The following KIAA1217 variants were observed in gnomAD, a reference collection of about 807,000 sequenced individuals.
The protein encoded by KIAA1217 is KIAA1217.
KIAA1217 carries 88 observed loss-of-function variants against 163.9 expected under a neutral mutation model. The ratio of observed to expected loss-of-function variants is 0.54; its 90% confidence interval spans 0.45 to 0.64. KIAA1217 has a LOEUF of 0.64. Among genes scored for constraint, KIAA1217 ranks in the 30% least tolerant of loss-of-function variants. The pLI is 0.00. For missense variants in KIAA1217, 2,372 were observed against 2,475.0 expected (o/e 0.96, Z 0.88); for synonymous variants, 903 against 923.1 (o/e 0.98, Z 0.39).
intron 11 of KIAA1217, among the ~76,000 whole-genome samples, chr10:24,521,082 A>G (rs1375629370): frequency 7.1e-6 from 1 of 140,352 alleles, no homozygotes; most frequent in African/African-American, 2.7e-5. Context: ...GTAGTGGCTC[A>G]TGCCACTTTG....
rs528884516 is a variant in KIAA1217, at chr10:23,751,319, T to C, written c.-321+56085T>C. Among the ~76,000 whole-genome samples, 3 of 152,244 alleles carry C rather than the reference T, an allele frequency of 2.0e-5. No homozygotes were observed. The South Asian group carries it at 6.2e-4, about 32-fold the overall frequency. ...CTGGGATTACAGGTGTGAGCCACCG[T>C]GCCTGGCGAGAATTTTCTACAATAC... On this transcript the variant is annotated intron_variant, in intron 1 of 18. Transcript: ENST00000376462.
At chr10:24,163,646 G>A (rs138466157) in intron 2 of KIAA1217, among the ~76,000 whole-genome samples, 2 of 152,312 alleles carry the variant, frequency 1.3e-5, no homozygotes, top group African/African-American at 4.8e-5. Context: ...GCTTTAAAGT[G>A]TAGTACACAT....
intron 2 of KIAA1217, among the ~76,000 whole-genome samples, chr10:24,195,686 C>T (rs7100869): frequency 6.6e-6 from 1 of 152,090 alleles, no homozygotes; most frequent in Non-Finnish European, 1.5e-5. Context: ...GTTTTTAATC[C>T]GCCAGGAAAG....
At chr10:24,316,347 T>C (rs2043368699) in intron 2 of KIAA1217, among the ~76,000 whole-genome samples, 1 of 151,934 alleles carries the variant, frequency 6.6e-6, no homozygotes, top group African/African-American at 2.4e-5. Flanking sequence ...ATGGAAGGAG[T>C]TCCTAGGATG....
intron 1 of KIAA1217, among the ~76,000 whole-genome samples, chr10:23,972,332 A>G (rs533903831): frequency 2.2e-4 from 34 of 152,348 alleles, no homozygotes; most frequent in Middle Eastern, 3.4e-3. Context: ...TTGCAGCACT[A>G]TTTACAATAG....
chr10:23,998,163 A>G (rs1005610168), intron 1 of KIAA1217, among the ~76,000 whole-genome samples: 1 of 152,158 alleles, frequency 6.6e-6, no homozygotes, highest in Non-Finnish European at 1.5e-5. Context: ...AAGAAAAAAA[A>G]AGACTTAACC....
intron 1 of KIAA1217, among the ~76,000 whole-genome samples, chr10:23,867,852 T>C (rs2131152728): frequency 6.6e-6 from 1 of 152,350 alleles, no homozygotes; most frequent in Middle Eastern, 3.4e-3. Context: ...AGCTCTTTCA[T>C]TTAATTAGAT....
At chr10:24,043,933 A>G (rs1848802839) in intron 2 of KIAA1217, among the ~76,000 whole-genome samples, 1 of 152,130 alleles carries the variant, frequency 6.6e-6, no homozygotes, top group Non-Finnish European at 1.5e-5. Flanking sequence ...TTTAAAACCA[A>G]GAGTGAGTAT....
At chr10:24,390,208 C>G (rs974285739) in intron 3 of KIAA1217, among the ~76,000 whole-genome samples, 1 of 152,018 alleles carries the variant, frequency 6.6e-6, no homozygotes, top group African/African-American at 2.4e-5. Flanking sequence ...GCTGCCTGTT[C>G]TGTGTGTTTC....
intron 2 of KIAA1217, among the ~76,000 whole-genome samples, chr10:24,227,164 T>TATC (rs1554920595): frequency 0.013 from 1,954 of 151,050 alleles, 32 homozygotes; most frequent in African/African-American, 0.044. Context: ...TTATTATTAT[T>TATC]ATCATTATTT....
At chr10:24,177,770 A>T (rs1054506521) in intron 2 of KIAA1217, among the ~76,000 whole-genome samples, 9 of 152,108 alleles carry the variant, frequency 5.9e-5, no homozygotes, top group Admixed American at 5.2e-4. Context: ...ATTTCCAGTG[A>T]ATAGTGCTGA....
intron 1 of KIAA1217, among the ~76,000 whole-genome samples, chr10:23,809,854 C>G (rs1836912473): frequency 6.6e-6 from 1 of 152,006 alleles, no homozygotes; most frequent in Non-Finnish European, 1.5e-5. Flanking sequence ...TGGTCTCTGA[C>G]TTAACAGTTC....
chr10:24,434,666 A>G (rs568413191), intron 4 of KIAA1217, among the ~76,000 whole-genome samples: 10 of 152,318 alleles, frequency 6.6e-5, no homozygotes, highest in African/African-American at 2.4e-4. Context: ...TTTTGGTGTC[A>G]TGTATACAGT....
At chr10:23,955,944 G>T (rs1373180840) in intron 1 of KIAA1217, among the ~76,000 whole-genome samples, 1 of 152,160 alleles carries the variant, frequency 6.6e-6, no homozygotes, top group Non-Finnish European at 1.5e-5. Context: ...ATTCGAGATG[G>T]TATCTAATGA....
intron 2 of KIAA1217, among the ~76,000 whole-genome samples, chr10:24,053,438 T>A (rs1340507080): frequency 6.6e-6 from 1 of 152,156 alleles, no homozygotes; most frequent in Non-Finnish European, 1.5e-5. Context: ...TATAGCATTA[T>A]GCTGGTATAT....
At chr10:24,081,751 T>G (rs891609762) in intron 2 of KIAA1217, among the ~76,000 whole-genome samples, 1 of 152,092 alleles carries the variant, frequency 6.6e-6, no homozygotes, top group African/African-American at 2.4e-5. Flanking sequence ...TGAAGAAAAT[T>G]TATAAATTTG....
chr10:24,167,284 C>CGTGTGTGTGT (rs35255558), intron 2 of KIAA1217, among the ~76,000 whole-genome samples: 1 of 148,220 alleles, frequency 6.7e-6, no homozygotes, highest in Non-Finnish European at 1.5e-5. Context: ...TGTGTATGTG[C>CGTGTGTGTGT]GTGTGTGTGT....
intron 1 of KIAA1217, among the ~76,000 whole-genome samples, chr10:23,959,127 T>C (rs1363061473): frequency 6.6e-6 from 1 of 152,014 alleles, no homozygotes; most frequent in Non-Finnish European, 1.5e-5. Context: ...CCATATACTG[T>C]GACCTATGTG....
At chr10:23,815,100 T>C (rs552425110) in intron 1 of KIAA1217, among the ~76,000 whole-genome samples, 4 of 152,308 alleles carry the variant, frequency 2.6e-5, no homozygotes, top group Non-Finnish European at 5.9e-5. Flanking sequence ...AGAAAAGTTT[T>C]ATAAATCTAA....
Sources: allele counts gnomAD v4.1 joint callset (sites outside exome capture counted in the v4.1 genomes callset), GRCh38; gene constraint gnomAD v4.1.1; transcripts MANE v1.5; gene names NCBI Gene and HGNC (gene_info 2026-07-23, HGNC 2026-07-21).